The following SCNN1B variants were observed in gnomAD, a reference collection of about 807,000 sequenced individuals.
SCNN1B encodes epithelial sodium channel subunit beta.
SCNN1B carries 46 observed loss-of-function variants against 65.3 expected under a neutral mutation model. The ratio of observed to expected loss-of-function variants is 0.70; its 90% CI spans 0.56 to 0.90. SCNN1B has a LOEUF of 0.90. Ranked by LOEUF, SCNN1B falls within the 40% of genes least tolerant of loss-of-function variation. SCNN1B has a pLI of 0.00. For synonymous variants in SCNN1B, 349 were observed against 330.6 expected, an observed-to-expected ratio of 1.06 and a Z score of -0.60; for missense variants, 751 against 830.5, an observed-to-expected ratio of 0.90 and a Z score of 1.18.
At chr16:23,311,675 T>G (rs1489071844) in intron 1 of SCNN1B, among the ~76,000 whole-genome samples, 2 of 152,136 alleles carry the variant, frequency 1.3e-5, no homozygotes, top group African/African-American at 4.8e-5. Flanking sequence ...CAGGTTGGGT[T>G]AGGGAGCGAG....
At chr16:23,356,455 T>C (rs1962422902) in intron 4 of SCNN1B, among the ~76,000 whole-genome samples, 1 of 151,734 alleles carries the variant, frequency 6.6e-6, no homozygotes, top group Non-Finnish European at 1.5e-5. Context: ...CGAGACCTCA[T>C]CTCTACAAAA....
Position 23,284,840 on chromosome 16 carries a change from C to A in SCNN1B, n.178+1036C>A, listed in dbSNP as rs149594905. On this transcript the variant is annotated intron_variant and non_coding_transcript_variant, in intron 2 of 3. Transcript: ENST00000569789. ...GACTTCTCAGGAGAAATAGAAAATC[C>A]TGATTTTCAAGTTCGATCTGCTACT... 6.5e-3 allele frequency among the ~76,000 whole-genome samples: 989 copies of A among 152,266 alleles called. 25 individuals are homozygous for A. Among genetic ancestry groups the A allele is most frequent in the East Asian group, 0.064 (331 of 5,184 alleles).
intron 4 of SCNN1B, among the ~76,000 whole-genome samples, chr16:23,366,187 T>C (rs970643907): frequency 2.7e-4 from 41 of 150,808 alleles, no homozygotes; most frequent in African/African-American, 9.8e-4. Flanking sequence ...TTCCTGTTTT[T>C]ATTTTTAATT....
chr16:23,314,608 G>A (rs1158456989), intron 1 of SCNN1B, among the ~76,000 whole-genome samples: 1 of 152,146 alleles, frequency 6.6e-6, no homozygotes, highest in Non-Finnish European at 1.5e-5. Context: ...TGAGAGGTGA[G>A]TGTGGAGGAG....
In SCNN1B at chr16:23,380,943, C is replaced by A; in HGVS notation, c.*142C>A. 1 of 890,674 alleles carries A rather than the reference C, an allele frequency of 1.1e-6. No individual in the cohort carries two copies. Among genetic ancestry groups the A allele is most frequent in the Non-Finnish European group, 1.9e-6 (1 of 537,370 alleles). 55.2% of individuals were successfully genotyped at this position (890,674 alleles called of 1,614,324 possible). On this transcript the variant is annotated 3_prime_UTR_variant, in exon 13 of 13. Transcript: ENST00000343070. The surrounding 1 kb of genome is among the most constrained non-coding windows in gnomAD (Gnocchi z 5.4). ...AGCTTGTGTCCTTCAACAGAGAGGC[C>A]AGCGGCAACTGGTCCGTTACTGGCC...
intron 4 of SCNN1B, among the ~76,000 whole-genome samples, chr16:23,357,306 G>A (rs1348847463): frequency 6.6e-6 from 1 of 152,238 alleles, no homozygotes; most frequent in Non-Finnish European, 1.5e-5. Flanking sequence ...AGGTGCAACC[G>A]GACATGTGGC....
intron 2 of SCNN1B, among the ~76,000 whole-genome samples, chr16:23,286,745 G>A (rs1960856201): frequency 6.6e-6 from 1 of 152,144 alleles, no homozygotes; most frequent in Non-Finnish European, 1.5e-5. Context: ...GGAAAAAGGA[G>A]AGAGAACGGG....
intron 2 of SCNN1B, among the ~76,000 whole-genome samples, chr16:23,289,924 C>A (rs906303607): frequency 1.1e-4 from 16 of 152,130 alleles, no homozygotes; most frequent in Admixed American, 6.5e-5. Flanking sequence ...GATCCACCCA[C>A]CTCGGCCTCC....
chr16:23,342,271 G>A (rs1034857740), intron 1 of SCNN1B, among the ~76,000 whole-genome samples: 217 of 152,304 alleles, frequency 1.4e-3, no homozygotes, highest in Middle Eastern at 6.8e-3. Flanking sequence ...TGTTGAGACA[G>A]AGTTTCACTC....
chr16:23,334,445 G>A (rs1010527925), intron 1 of SCNN1B, among the ~76,000 whole-genome samples: 8 of 152,174 alleles, frequency 5.3e-5, no homozygotes, highest in Non-Finnish European at 1.2e-4. Context: ...GAGACAAGGT[G>A]GCATGTGACC....
At chr16:23,290,093 A>C (rs947944692) in intron 2 of SCNN1B, among the ~76,000 whole-genome samples, 3 of 152,136 alleles carry the variant, frequency 2.0e-5, no homozygotes, top group African/African-American at 7.2e-5. Flanking sequence ...CCCAGTAGAA[A>C]TCTGCACGTC....
intron 1 of SCNN1B, among the ~76,000 whole-genome samples, chr16:23,307,316 G>A (rs1261693440): frequency 2.1e-5 from 1 of 46,826 alleles, no homozygotes; most frequent in East Asian, 7.4e-4. Context: ...TTTTTTTTTT[G>A]GTGGTTGTGG....
intron 1 of SCNN1B, among the ~76,000 whole-genome samples, chr16:23,334,426 T>A (rs1961893936): frequency 6.6e-6 from 1 of 152,198 alleles, no homozygotes; most frequent in Non-Finnish European, 1.5e-5. Flanking sequence ...GGATTCACAC[T>A]ACAGTAAAGA....
In SCNN1B at chr16:23,379,827, G is replaced by A. The variant is rs150069702; in HGVS notation, c.1467-267G>A. ...CTGGGCAGAGATGCCCAGAAGGGCCGGGAAGGGCTGCACTTGCAGTTCTCG... is the reference window on the plus strand; with the variant it reads ...CTGGGCAGAGATGCCCAGAAGGGCCAGGAAGGGCTGCACTTGCAGTTCTCG... On this transcript the variant is annotated intron_variant, in intron 11 of 12. Coordinates refer to ENST00000343070, the MANE Select transcript of SCNN1B (RefSeq NM_000336.3). 2.5e-3 allele frequency among the ~76,000 whole-genome samples: 381 copies of A among 152,310 alleles called. 1 individual carries two copies. The highest frequency in any genetic ancestry group is 4.3e-3 in the Non-Finnish European group (290 of 68,022).
At position 23,380,231 on chromosome 16, in the gene SCNN1B, G is replaced by A. The variant is rs1963012598; in HGVS notation, c.1542+62G>A. 18 of 1,524,516 alleles carry A rather than the reference G, an allele frequency of 1.2e-5. No individual in the cohort carries two copies. The highest frequency in any genetic ancestry group is 1.6e-5 in the Non-Finnish European group (18 of 1,098,642). The allele number at this position is 1,524,516 out of a possible 1,614,324, so 94.4% of individuals were successfully genotyped here. ...CTGCCCTGACCCCTGCACCCTGAGG[G>A]TGGGGGAAGGGTTCTGAGCCCTATG... On this transcript the variant is annotated intron_variant, in intron 12 of 12. Transcript: ENST00000343070. The surrounding 1 kb of genome is among the most constrained non-coding windows in gnomAD (Gnocchi z 5.4).
chr16:23,334,045 T>C (rs1961884693), intron 1 of SCNN1B, among the ~76,000 whole-genome samples: 1 of 152,128 alleles, frequency 6.6e-6, no homozygotes, highest in Non-Finnish European at 1.5e-5. Context: ...CATCACCATG[T>C]AAGGTTGCTC....
chr16:23,361,745 G>C (rs981939388), intron 4 of SCNN1B, among the ~76,000 whole-genome samples: 43 of 152,148 alleles, frequency 2.8e-4, no homozygotes, highest in African/African-American at 9.7e-4. Context: ...CCTAGAATCA[G>C]CCATTTCTCT....
chr16:23,364,660 G>C lies in SCNN1B; in HGVS notation c.777-3196G>C, dbSNP rs375265214. 5.3e-5 allele frequency among the ~76,000 whole-genome samples: 8 copies of C among 152,242 alleles called. No homozygotes were observed. The East Asian group carries it at 1.4e-3, about 26-fold the overall frequency. ...AGATGCTGGTGACTTGGGCCAGGGT[G>C]GGAGCGTCTGAGGTGGAGACAGGTG... On this transcript the variant is annotated intron_variant, in intron 4 of 12. Transcript: ENST00000343070.
intron 1 of SCNN1B, among the ~76,000 whole-genome samples, chr16:23,305,222 G>C (rs915547991): frequency 6.6e-6 from 1 of 151,994 alleles, no homozygotes; most frequent in African/African-American, 2.4e-5. Context: ...GAGCTGAGGT[G>C]CTCCCCTTTG....
Sources: gnomAD v4.1 joint callset for allele counts (sites outside exome capture counted in the v4.1 genomes callset) on GRCh38, gnomAD v4.1.1 for gene constraint, Gnocchi (gnomAD v3.1) non-coding constraint, MANE v1.5 for transcripts, NCBI Gene and HGNC (gene_info 2026-07-23, HGNC 2026-07-21) for gene names.